NCOR1: variants seen among roughly 807,000 people sequenced by gnomAD.
NCOR1 encodes the protein nuclear receptor corepressor 1.
In NCOR1, 63 loss-of-function variants were observed where a neutral mutation model predicts 288.1. The observed-to-expected ratio is 0.22, with a 90% CI of 0.18 to 0.27. NCOR1 has a LOEUF of 0.27. NCOR1 is among the 10% of genes least tolerant of loss of function. The pLI is 1.00. For synonymous variants in NCOR1, 1,007 were observed against 1,065.9 expected, an observed-to-expected ratio of 0.94 and a Z score of 1.08; for missense variants, 2,397 against 3,019.2, an observed-to-expected ratio of 0.79 and a Z score of 4.83.
chr17:16,041,541 G>A (rs975027594), intron 42 of NCOR1, among the ~76,000 whole-genome samples: 20 of 149,908 alleles, frequency 1.3e-4, no homozygotes, highest in African/African-American at 4.9e-4. Flanking sequence ...AGCCTCCCGA[G>A]CAGCTGGGAT....
chr17:16,055,063 T>C (rs751678010), intron 40 of NCOR1, among the ~76,000 whole-genome samples: 2 of 152,230 alleles, frequency 1.3e-5, no homozygotes, highest in Non-Finnish European at 2.9e-5. Context: ...GGAACACTTA[T>C]ACACTGTTGG....
At chr17:16,165,838 A>G (rs560976335) in intron 4 of NCOR1, among the ~76,000 whole-genome samples, 1 of 152,306 alleles carries the variant, frequency 6.6e-6, no homozygotes, top group Non-Finnish European at 1.5e-5. Context: ...ACACACATCC[A>G]CACACACCCT....
chr17:16,042,101 G>A (rs1288404469), intron 42 of NCOR1, among the ~76,000 whole-genome samples: 6 of 152,156 alleles, frequency 3.9e-5, no homozygotes, highest in Non-Finnish European at 7.3e-5. Context: ...CACATGAGAG[G>A]AGGGAAGAGT....
At chr17:16,167,457 A>G (rs1169693413) in intron 4 of NCOR1, among the ~76,000 whole-genome samples, 1 of 149,488 alleles carries the variant, frequency 6.7e-6, no homozygotes, top group Non-Finnish European at 1.5e-5. Context: ...CCTCAAGTTA[A>G]AAAAAAATAA....
At chr17:16,110,807 T>A (rs546986132) in intron 18 of NCOR1, among the ~76,000 whole-genome samples, 2 of 152,320 alleles carry the variant, frequency 1.3e-5, no homozygotes, top group African/African-American at 4.8e-5. Context: ...AGAGAAACAA[T>A]CATTTTCTAA....
Position 16,095,896 on chromosome 17 carries a change from T to C in NCOR1, c.2820+2471A>G, listed in dbSNP as rs568129254. ...TTGTGGAATAGAAAAGGGGGCAAGG[T>C]GGGGAAAAGATTGAGAAATCGGATG... On this transcript the variant is annotated intron_variant, in intron 21 of 45. Transcript: ENST00000268712. Among the ~76,000 whole-genome samples, 10 of 151,754 alleles carry C rather than the reference T, an allele frequency of 6.6e-5. No individual in the cohort carries two copies. The South Asian group carries it at 1.9e-3, about 29-fold the overall frequency.
chr17:16,171,753 A>C, intron 4 of NCOR1, 50 bp downstream of exon 4: 1 of 1,425,784 alleles, frequency 7.0e-7, no homozygotes, highest in Non-Finnish European at 9.3e-7. Flanking sequence ...GTATAACTAA[A>C]TAAACATTAC....
In NCOR1 at chr17:16,137,404, A is replaced by C; in HGVS notation, c.1416T>G (p.Pro472=). 6.6e-7 allele frequency: 1 copy of C among 1,522,478 alleles called. No individual in the cohort carries two copies. Among genetic ancestry groups the C allele is most frequent in the African/African-American group, 1.4e-5 (1 of 72,562 alleles). 94.3% of individuals were successfully genotyped at this position (1,522,478 alleles called of 1,614,324 possible). The change falls in exon 14 of 46, where the codon CCT becomes CCG. Residue 472 remains proline (P), a synonymous_variant. Coordinates refer to ENST00000268712, the MANE Select transcript of NCOR1 (RefSeq NM_006311.4). ...IASYLERKSV[P]DCVLYYYLTK... ...TTAAATAGTAATACAAAACACAATC[A>C]GGAACACTCTGTAAGAAATAAAACA...
rs1473547111 is a variant in NCOR1, at chr17:16,035,907, TATCCATGGGAGCTGGA to T, written c.6956-979_6956-964del. Among the ~76,000 whole-genome samples the T allele has an allele frequency of 6.6e-5, 10 of 152,292 alleles. No homozygotes were observed. In the South Asian group the frequency reaches 2.1e-3, roughly 32 times the overall value. ...CTGACGTCTTGATCCCCTCCCAAGT[TATCCATGGGAGCTGGA>T]ATCATCTTTTTCCAAACTCCTGTTA... On this transcript the variant is annotated intron_variant, in intron 44 of 45. Coordinates refer to ENST00000268712, the MANE Select transcript of NCOR1 (RefSeq NM_006311.4).
chr17:16,080,519 G>C lies in NCOR1; in HGVS notation c.3299-10C>G, dbSNP rs760064994. ...ATGTAGGGCAAAGTAGCTGTGGAAA[G>C]GCAGAGAAACATGAAACAATCCAGT... On this transcript the variant is annotated splice_polypyrimidine_tract_variant and intron_variant, in intron 24 of 45. Coordinates refer to ENST00000268712, the MANE Select transcript of NCOR1 (RefSeq NM_006311.4). 2 of 1,613,866 alleles carry C rather than the reference G, an allele frequency of 1.2e-6. No homozygotes were observed. Among genetic ancestry groups the C allele is most frequent in the Non-Finnish European group, 1.7e-6 (2 of 1,179,868 alleles).
intron 21 of NCOR1, 79 bp downstream of exon 21, chr17:16,098,288 A>G: frequency 7.2e-7 from 1 of 1,395,526 alleles, no homozygotes. Flanking sequence ...ATCAAGAACC[A>G]ATTAAAGAAC....
intron 18 of NCOR1, among the ~76,000 whole-genome samples, chr17:16,113,484 A>T (rs1236042266): frequency 6.6e-6 from 1 of 152,240 alleles, no homozygotes; most frequent in African/African-American, 2.4e-5. Context: ...TTTTTCAGAT[A>T]CTTATGCATA....
chr17:16,034,919 G>C lies in NCOR1; in HGVS notation c.6981C>G (p.Ile2327Met), dbSNP rs200657133. 237 of 1,613,946 alleles carry C rather than the reference G, an allele frequency of 1.5e-4. No individual in the cohort carries two copies. Among genetic ancestry groups the C allele is most frequent in the Non-Finnish European group, 1.9e-4 (226 of 1,180,022 alleles). ...TAGATTTCCTGCTGTTTGACTTGCT[G>C]ATCAGCTTTGGTTTGCAAACTCCTC... ...HSGGVCKPKL[I>M]SKSNSRKSKS... The change falls in exon 45 of 46, where the codon ATC (isoleucine) becomes ATG (methionine). Residue 2327 changes from isoleucine (I) to methionine (M), a missense_variant. Around this residue, in one of 11 missense-constraint regions of NCOR1, gnomAD observed 1,872 missense variants for 2,187.8 expected, o/e 0.86. Coordinates refer to ENST00000268712, the MANE Select transcript of NCOR1 (RefSeq NM_006311.4).
intron 3 of NCOR1, among the ~76,000 whole-genome samples, chr17:16,179,032 G>C (rs1281846905): frequency 6.6e-6 from 1 of 152,090 alleles, no homozygotes; most frequent in Non-Finnish European, 1.5e-5. Flanking sequence ...GAACATGAGA[G>C]GCAGAGGTTG....
At chr17:16,110,107 C>T (rs971935960) in intron 18 of NCOR1, among the ~76,000 whole-genome samples, 1 of 152,140 alleles carries the variant, frequency 6.6e-6, no homozygotes, top group Non-Finnish European at 1.5e-5. Flanking sequence ...ATAATCCCAG[C>T]ACTTTGGGAG....
At position 16,177,579 on chromosome 17, in the gene NCOR1, T is replaced by G. The variant is rs540417793; in HGVS notation, c.243-5584A>C. On this transcript the variant is annotated intron_variant, in intron 3 of 45. Transcript: ENST00000268712. Reference sequence around the variant, plus strand: ...GGAAGAATAGGTATGGCTTTCTAAATACTGTTCTATGGCCCGAGGGAACAT... The same window carrying G: ...GGAAGAATAGGTATGGCTTTCTAAAGACTGTTCTATGGCCCGAGGGAACAT... Among the ~76,000 whole-genome samples the G allele has an allele frequency of 2.0e-5, 3 of 152,254 alleles. No individual in the cohort carries two copies. The East Asian group carries it at 5.8e-4, about 29-fold the overall frequency.
chr17:16,125,895 G>T (rs1275633235), intron 15 of NCOR1, among the ~76,000 whole-genome samples, 187 bp downstream of exon 15: 1 of 151,956 alleles, frequency 6.6e-6, no homozygotes, highest in Non-Finnish European at 1.5e-5. Flanking sequence ...ACAGGTGAGA[G>T]GGTGCGAGGG....
chr17:16,063,992 G>T, intron 35 of NCOR1, 76 bp downstream of exon 35: 7 of 1,442,492 alleles, frequency 4.9e-6, no homozygotes, highest in Admixed American at 2.4e-5. Flanking sequence ...AAAACTTTTT[G>T]TGCGCAGCAT....
chr17:16,145,903 C>G (rs1211730101), intron 10 of NCOR1, among the ~76,000 whole-genome samples: 1 of 152,132 alleles, frequency 6.6e-6, no homozygotes, highest in Non-Finnish European at 1.5e-5. Flanking sequence ...GTTACTGTGT[C>G]CGTGTGGAGG....
Sources: gnomAD v4.1 joint callset for allele counts (sites outside exome capture counted in the v4.1 genomes callset) on GRCh38, gnomAD v4.1.1 for gene constraint, gnomAD v4.1.1 regional missense constraint, MANE v1.5 for transcripts, NCBI Gene and HGNC (gene_info 2026-07-23, HGNC 2026-07-21) for gene names.